Variants in SPACDR observed in about 807,000 individuals in gnomAD.
The protein encoded by SPACDR is sperm acrosome developmental regulator.
the SPACDR span, chr7:100,463,444 CTGCAGTAGGGATTGGCCCTGT>C: frequency 6.2e-7 from 1 of 1,613,728 alleles, no homozygotes; most frequent in African/African-American, 1.3e-5. Flanking sequence ...TCCTCGGCAG[CTGCAGTAGGGATTGGCCCTGT>C]TGGCCCAGCT....
chr7:100,461,977 A>T, the SPACDR span, among the ~76,000 whole-genome samples: 1 of 123,114 alleles, frequency 8.1e-6, no homozygotes, highest in Non-Finnish European at 1.7e-5. Context: ...TGGGCGACAG[A>T]CTCCGTCTCA....
At chr7:100,457,618 CTT>C in the SPACDR span, among the ~76,000 whole-genome samples, 25 of 93,512 alleles carry the variant, frequency 2.7e-4, no homozygotes, top group Non-Finnish European at 1.7e-4. Context: ...CATGCCTGGC[CTT>C]TTTTTTTTTT....
chr7:100,458,820 G>A, the SPACDR span, among the ~76,000 whole-genome samples: 4 of 152,048 alleles, frequency 2.6e-5, no homozygotes, highest in East Asian at 5.9e-4. Flanking sequence ...CCATCTAATC[G>A]GGAGGCTGAG....
At chr7:100,457,047 A>G in the SPACDR span, 2 of 1,223,300 alleles carry the variant, frequency 1.6e-6, no homozygotes, top group Non-Finnish European at 1.1e-6. Flanking sequence ...AACTGCCGCT[A>G]GAACGACCCA....
the SPACDR span, among the ~76,000 whole-genome samples, chr7:100,458,514 C>A: frequency 6.6e-6 from 1 of 152,096 alleles, no homozygotes; most frequent in Non-Finnish European, 1.5e-5. Flanking sequence ...CCCCTGGAAA[C>A]CACTGAGCCA....
chr7:100,463,194 G>A, the SPACDR span, among the ~76,000 whole-genome samples: 1,435 of 151,882 alleles, frequency 9.4e-3, 28 homozygotes, highest in African/African-American at 0.032. Context: ...GGCTGGTCTC[G>A]AATTCCTGAG....
At chr7:100,458,388 C>G in the SPACDR span, among the ~76,000 whole-genome samples, 1 of 151,850 alleles carries the variant, frequency 6.6e-6, no homozygotes, top group African/African-American at 2.4e-5. Flanking sequence ...TTCCATCAGA[C>G]AGGAGAAAGC....
the SPACDR span, among the ~76,000 whole-genome samples, chr7:100,459,693 G>A: frequency 1.7e-4 from 26 of 152,214 alleles, no homozygotes; most frequent in Admixed American, 5.2e-4. Flanking sequence ...TCGAAACCCT[G>A]GGCTCGAGCG....
chr7:100,457,805 G>A, the SPACDR span, among the ~76,000 whole-genome samples: 1 of 87,152 alleles, frequency 1.1e-5, no homozygotes. Context: ...ATATATATAT[G>A]TGTGTGTGTG....
At chr7:100,461,729 C>T in the SPACDR span, among the ~76,000 whole-genome samples, 1 of 152,000 alleles carries the variant, frequency 6.6e-6, no homozygotes, top group African/African-American at 2.4e-5. Context: ...GTGGCTCACA[C>T]CTGTAATCCC....
At chr7:100,457,894 G>A in the SPACDR span, among the ~76,000 whole-genome samples, 1 of 140,656 alleles carries the variant, frequency 7.1e-6, no homozygotes, top group Non-Finnish European at 1.5e-5. Context: ...GTTTTGCCCA[G>A]GCTGGTCTTG....
At chr7:100,457,855 A>T in the SPACDR span, among the ~76,000 whole-genome samples, 1,397 of 67,860 alleles carry the variant, frequency 0.021, 74 homozygotes, top group African/African-American at 0.076. Context: ...ATATATATAT[A>T]TATTTTTTTT....
the SPACDR span, among the ~76,000 whole-genome samples, chr7:100,463,027 C>T: frequency 2.7e-5 from 4 of 149,788 alleles, no homozygotes; most frequent in Non-Finnish European, 5.9e-5. Context: ...TAGCTTAAAC[C>T]GGGGAGGTGG....
chr7:100,457,151 A>G, the SPACDR span, among the ~76,000 whole-genome samples: 3 of 151,528 alleles, frequency 2.0e-5, no homozygotes, highest in African/African-American at 7.3e-5. Context: ...GTTGCATCAA[A>G]TGTTTGTCAT....
At chr7:100,461,639 C>A in the SPACDR span, among the ~76,000 whole-genome samples, 1 of 152,008 alleles carries the variant, frequency 6.6e-6, no homozygotes, top group African/African-American at 2.4e-5. Flanking sequence ...CCCCTAACAA[C>A]CCTTTCAAGC....
At chr7:100,459,001 C>CTTT in the SPACDR span, among the ~76,000 whole-genome samples, 10 of 135,280 alleles carry the variant, frequency 7.4e-5, no homozygotes, top group African/African-American at 1.2e-4. Flanking sequence ...TCCTTTTTAC[C>CTTT]TTTTTTTTTT....
At chr7:100,463,081 G>A in the SPACDR span, among the ~76,000 whole-genome samples, 1 of 150,284 alleles carries the variant, frequency 6.7e-6, no homozygotes, top group Non-Finnish European at 1.5e-5. Context: ...TCCAGCCTGG[G>A]CGACAGAGGG....
At chr7:100,461,986 CAAA>C in the SPACDR span, among the ~76,000 whole-genome samples, 6 of 59,888 alleles carry the variant, frequency 1.0e-4, no homozygotes, top group Admixed American at 2.1e-4. Flanking sequence ...GACTCCGTCT[CAAA>C]AAAAAAAAAA....
At chr7:100,463,345 T>G in the SPACDR span, 3 of 1,537,598 alleles carry the variant, frequency 2.0e-6, no homozygotes, top group East Asian at 2.3e-5. Flanking sequence ...AGGGAGGGGG[T>G]GTTAGGATGG....
Sources: gnomAD v4.1 joint callset for allele counts (sites outside exome capture counted in the v4.1 genomes callset) on GRCh38, gnomAD v4.1.1 for gene constraint, MANE v1.5 for transcripts, NCBI Gene and HGNC (gene_info 2026-07-23, HGNC 2026-07-21) for gene names.